The following PGBD5 variants were observed in gnomAD, a reference collection of about 807,000 sequenced individuals.
PGBD5 encodes piggyBac transposable element derived 5.
In PGBD5, 14 loss-of-function variants were observed where a neutral mutation model predicts 47.9. The ratio of observed to expected loss-of-function variants is 0.29; its 90% confidence interval spans 0.19 to 0.46. PGBD5 has a LOEUF of 0.46. Among genes scored for constraint, PGBD5 ranks in the 20% least tolerant of loss-of-function variants. The pLI is 1.00. For missense variants in PGBD5, 635 were observed against 716.0 expected (o/e 0.89, Z 1.29); for synonymous variants, 316 against 306.3 (o/e 1.03, Z -0.33).
chr1:230,343,179 T>G (rs1263806309), intron 3 of PGBD5, among the ~76,000 whole-genome samples: 6 of 152,168 alleles, frequency 3.9e-5, no homozygotes, highest in African/African-American at 1.4e-4. Context: ...GTCCTTCTCC[T>G]CTCTGGCTGC....
intron 1 of PGBD5, among the ~76,000 whole-genome samples, chr1:230,417,825 G>A (rs1421946769): frequency 1.3e-5 from 2 of 152,300 alleles, no homozygotes; most frequent in Non-Finnish European, 2.9e-5. Context: ...CTAACTTCTC[G>A]TTTTATCCCA....
rs530742895 is a variant in PGBD5, at chr1:230,316,015, T to C, written c.*7410A>G. 5.3e-3 allele frequency: 705 copies of C among 132,872 alleles called. 26 individuals are homozygous for C. Among genetic ancestry groups the C allele is most frequent in the African/African-American group, 0.016 (539 of 33,164 alleles). 8.2% of individuals were successfully genotyped at this position (132,872 alleles called of 1,614,324 possible). A position where few individuals can be genotyped will look rare whatever the true frequency, so the allele number is the denominator to read the frequency against. ...ATACATAAGTATATGTGTACACATA[T>C]ATGTATGTGTATACATACATAAGTA... On this transcript the variant is annotated 3_prime_UTR_variant, in exon 7 of 7. Coordinates refer to ENST00000391860, the MANE Select transcript of PGBD5 (RefSeq NM_001258311.2).
intron 1 of PGBD5, chr1:230,377,487 G>A (rs541152528): frequency 6.2e-7 from 1 of 1,612,412 alleles, no homozygotes; most frequent in African/African-American, 1.3e-5. Flanking sequence ...GCCTTACTAA[G>A]ACAGCTGTAC....
intron 5 of PGBD5, among the ~76,000 whole-genome samples, chr1:230,326,186 G>C (rs1667114556): frequency 6.6e-6 from 1 of 152,246 alleles, no homozygotes; most frequent in African/African-American, 2.4e-5. Context: ...GGGAGGCCAA[G>C]GCGGGGGGAT....
chr1:230,365,720 G>A (rs1558200938), intron 1 of PGBD5, among the ~76,000 whole-genome samples: 3 of 152,198 alleles, frequency 2.0e-5, no homozygotes, highest in Admixed American at 2.0e-4. Flanking sequence ...ACTGCCACAC[G>A]CTCGGCTCGA....
At chr1:230,350,896 C>A (rs1486963748) in intron 3 of PGBD5, 62 bp downstream of exon 3, 3 of 1,581,220 alleles carry the variant, frequency 1.9e-6, no homozygotes, top group South Asian at 2.4e-5. Context: ...GAGCCCAAGT[C>A]GCCCGGATTT....
rs777252675 is a variant in PGBD5 at position 230,337,267 on chromosome 1, C to T, written c.916G>A (p.Gly306Ser). 1 of 1,612,734 alleles carries T rather than the reference C, an allele frequency of 6.2e-7. No individual in the cohort carries two copies. Among genetic ancestry groups the T allele is most frequent in the South Asian group, 1.1e-5 (1 of 90,950 alleles). The change falls in exon 4 of 7, where the codon GGT becomes AGT. Residue 306 changes from glycine (G) to serine (S), a missense_variant. Gly to Ser is a moderately conservative substitution (Grantham distance 56). Coordinates refer to ENST00000391860, the MANE Select transcript of PGBD5 (RefSeq NM_001258311.2). ...GCATCCAGGCCATCTGGGCCCCCAC[C>T]TTCCTTCAGGTGGACATAAATCTTT... Reference protein sequence around the residue: ...IIQIYVHLKEGGGPDGLDALK... With the variant: ...IIQIYVHLKESGGPDGLDALK...
At position 230,332,824 on chromosome 1, in the gene PGBD5, A is replaced by G. The variant is rs761088770; in HGVS notation, c.1273+20T>C. The G allele has an allele frequency of 2.5e-6, 4 of 1,613,998 alleles. No homozygotes were observed. Among genetic ancestry groups the G allele is most frequent in the Non-Finnish European group, 3.4e-6 (4 of 1,179,924 alleles). On this transcript the variant is annotated intron_variant, in intron 5 of 6. Coordinates refer to ENST00000391860, the MANE Select transcript of PGBD5 (RefSeq NM_001258311.2). ...CAATCCCCGCGCGCCCCACTGTGTCAATGGCGGACCCGCACTCACCCTGCT... is the reference window on the plus strand; with the variant it reads ...CAATCCCCGCGCGCCCCACTGTGTCGATGGCGGACCCGCACTCACCCTGCT...
intron 1 of PGBD5, among the ~76,000 whole-genome samples, chr1:230,387,215 A>G (rs72765667): frequency 0.35 from 53,175 of 151,818 alleles, 10,110 homozygotes; most frequent in Non-Finnish European, 0.43. Context: ...GAGACATAAC[A>G]AGAGATGCGC....
At chr1:230,419,430 G>A (rs1478232076) in intron 1 of PGBD5, among the ~76,000 whole-genome samples, 1 of 146,252 alleles carries the variant, frequency 6.8e-6, no homozygotes, top group Non-Finnish European at 1.5e-5. Context: ...GGGGAGCAAG[G>A]TGAGAAAAAC....
intron 1 of PGBD5, among the ~76,000 whole-genome samples, chr1:230,362,978 G>GCTCTCCTCTTGACCA (rs1667771483): frequency 6.6e-6 from 1 of 152,164 alleles, no homozygotes. Context: ...TCACATCCCT[G>GCTCTCCTCTTGACCA]AGGATGCCCA....
Position 230,392,038 on chromosome 1 carries a change from T to C in PGBD5, c.331+33560A>G, listed in dbSNP as rs927221321. ...AAATGAACTTTTCATAGGAAAAGGC[T>C]GGACCGAGGCTTACTAGGACTGTGA... is the stretch of plus-strand genomic sequence containing the variant. On this transcript the variant is annotated intron_variant, in intron 1 of 6. Transcript: ENST00000391860. 1.6e-4 allele frequency among the ~76,000 whole-genome samples: 24 copies of C among 152,248 alleles called. 2 individuals are homozygous for C. In the East Asian group the frequency reaches 1.9e-3, roughly 12 times the overall value.
intron 5 of PGBD5, among the ~76,000 whole-genome samples, chr1:230,325,717 G>A (rs1168808064): frequency 6.6e-6 from 1 of 152,106 alleles, no homozygotes; most frequent in South Asian, 2.1e-4. Context: ...AAGCAGCATG[G>A]GGAAGGGTGC....
chr1:230,415,272 CT>C (rs1192922696), intron 1 of PGBD5, among the ~76,000 whole-genome samples: 3 of 116,676 alleles, frequency 2.6e-5, no homozygotes. Context: ...GAGACTCTGT[CT>C]AAAAAAAAAA....
At chr1:230,326,425 GAAATAAA>G (rs1667118757) in intron 5 of PGBD5, among the ~76,000 whole-genome samples, 1 of 152,036 alleles carries the variant, frequency 6.6e-6, no homozygotes, top group Admixed American at 6.6e-5. Flanking sequence ...ATCTCAAAAT[GAAATAAA>G]AAATAAAAAA....
Position 230,425,023 on chromosome 1 carries a change from C to T in PGBD5, c.331+575G>A, listed in dbSNP as rs751850868. Among the ~76,000 whole-genome samples, 3 of 152,182 alleles carry T rather than the reference C, an allele frequency of 2.0e-5. No individual in the cohort carries two copies. Among genetic ancestry groups the T allele is most frequent in the Non-Finnish European group, 4.4e-5 (3 of 68,038 alleles). On this transcript the variant is annotated intron_variant, in intron 1 of 6. Coordinates refer to ENST00000391860, the MANE Select transcript of PGBD5 (RefSeq NM_001258311.2). The surrounding 1 kb of genome is among the most constrained non-coding windows in gnomAD (Gnocchi z 4.7). ...GTCCCTTCCTTCACTCCTCCCCATT[C>T]TTAACAAGAGATCTGGAATGGCGCG...
At chr1:230,404,515 G>A (rs1201601891) in intron 1 of PGBD5, among the ~76,000 whole-genome samples, 1 of 151,250 alleles carries the variant, frequency 6.6e-6, no homozygotes, top group East Asian at 1.9e-4. Flanking sequence ...TGAGGAGGGA[G>A]GGGAGGATCA....
intron 1 of PGBD5, among the ~76,000 whole-genome samples, chr1:230,416,189 G>A (rs971577235): frequency 2.6e-5 from 4 of 152,142 alleles, no homozygotes; most frequent in Non-Finnish European, 5.9e-5. Context: ...TTCCCCAGTA[G>A]CCATCAAGTT....
intron 1 of PGBD5, among the ~76,000 whole-genome samples, chr1:230,416,134 C>T (rs1330490423): frequency 6.6e-6 from 1 of 152,134 alleles, no homozygotes; most frequent in African/African-American, 2.4e-5. Flanking sequence ...TGTCTCTGGG[C>T]CACCAGGAAG....
Sources: allele counts gnomAD v4.1 joint callset (sites outside exome capture counted in the v4.1 genomes callset), GRCh38; gene constraint gnomAD v4.1.1; non-coding constraint Gnocchi (gnomAD v3.1); transcripts MANE v1.5; gene names NCBI Gene and HGNC (gene_info 2026-07-23, HGNC 2026-07-21).